The following ARL8B variants were observed in gnomAD, a reference collection of about 807,000 sequenced individuals.
ARL8B encodes ARF like GTPase 8B, also known as ADP-ribosylation factor-like protein 8B.
Under a neutral mutation model 30.6 loss-of-function variants are expected in ARL8B, and 9 were observed. That is an observed-to-expected ratio of 0.29 (90% CI 0.18 to 0.51). ARL8B has a LOEUF of 0.51. Ranked by LOEUF, ARL8B falls within the 20% of genes least tolerant of loss-of-function variation. The probability of loss-of-function intolerance (pLI) is 0.97; values close to 1 mark genes in which losing one functional copy is unlikely to be tolerated. For missense variants in ARL8B, 130 were observed against 227.2 expected, an observed-to-expected ratio of 0.57 and a Z score of 2.75; for synonymous variants, 74 against 76.0, an observed-to-expected ratio of 0.97 and a Z score of 0.14.
chr3:5,168,456 T>G (rs1168043779), intron 1 of ARL8B, among the ~76,000 whole-genome samples: 1 of 152,230 alleles, frequency 6.6e-6, no homozygotes, highest in Non-Finnish European at 1.5e-5. Context: ...AAGGACTTGA[T>G]TAGCTAATTT....
chr3:5,138,588 T>C (rs1047113210), intron 1 of ARL8B, among the ~76,000 whole-genome samples: 3 of 152,176 alleles, frequency 2.0e-5, no homozygotes, highest in African/African-American at 7.2e-5. Flanking sequence ...AATAAGGATG[T>C]GTTGTTGATG....
intron 1 of ARL8B, chr3:5,128,452 C>T: frequency 2.2e-6 from 1 of 453,960 alleles, no homozygotes; most frequent in South Asian, 1.6e-5. Context: ...ATTTGTTTTT[C>T]CTTGCAGACC....
chr3:5,142,077 A>C (rs1421060644), intron 1 of ARL8B, among the ~76,000 whole-genome samples: 1 of 152,130 alleles, frequency 6.6e-6, no homozygotes, highest in African/African-American at 2.4e-5. Context: ...GTTTTCAGGT[A>C]TCTTATGGAA....
At chr3:5,153,978 G>A (rs1048821119) in intron 1 of ARL8B, among the ~76,000 whole-genome samples, 1 of 151,622 alleles carries the variant, frequency 6.6e-6, no homozygotes, top group African/African-American at 2.4e-5. Flanking sequence ...GATTGTTTCT[G>A]ATGGGAAATT....
chr3:5,153,831 T>A (rs1417444452), intron 1 of ARL8B, among the ~76,000 whole-genome samples: 2 of 152,178 alleles, frequency 1.3e-5, no homozygotes, highest in African/African-American at 4.8e-5. Flanking sequence ...TGGCTACAGA[T>A]TTTAGTTTAG....
chr3:5,130,918 T>A (rs1331055931), intron 1 of ARL8B, among the ~76,000 whole-genome samples: 1 of 152,162 alleles, frequency 6.6e-6, no homozygotes, highest in Non-Finnish European at 1.5e-5. Context: ...CTGCCTTTTC[T>A]TCGCTCTTTT....
chr3:5,155,886 A>ATT (rs2054528905), intron 1 of ARL8B, among the ~76,000 whole-genome samples: 1 of 119,962 alleles, frequency 8.3e-6, no homozygotes, highest in East Asian at 2.2e-4. Context: ...CTTTAAGATA[A>ATT]TTTTTGTGTG....
At chr3:5,168,332 A>G (rs547698068) in intron 1 of ARL8B, among the ~76,000 whole-genome samples, 7 of 152,320 alleles carry the variant, frequency 4.6e-5, no homozygotes, top group Admixed American at 1.3e-4. Context: ...CAGCCTCCCA[A>G]AGTGCTGGAA....
chr3:5,178,669 A>G lies in ARL8B; in HGVS notation c.517A>G (p.Thr173Ala). ...SCKEKDNIDI[T>A]LQWLIQHSKS... ...CTTTTCCCCTCTATCTTTAGATATC[A>G]CACTTCAGTGGCTTATTCAGCATTC... The change falls in exon 7 of 7, where the codon ACA becomes GCA. Residue 173 changes from threonine to alanine, a missense_variant. Physicochemically the swap from Thr to Ala is moderately conservative, Grantham distance 58. Transcript: ENST00000256496. The G allele has an allele frequency of 6.2e-7, 1 of 1,609,226 alleles. No homozygotes were observed. Among genetic ancestry groups the G allele is most frequent in the Non-Finnish European group, 8.5e-7 (1 of 1,177,966 alleles).
At chr3:5,155,844 T>C (rs1395007625) in intron 1 of ARL8B, among the ~76,000 whole-genome samples, 1 of 106,512 alleles carries the variant, frequency 9.4e-6, no homozygotes, top group Admixed American at 8.1e-5. Flanking sequence ...TTTCTCAGTG[T>C]TTTTTTTTTG....
chr3:5,172,869 C>G (rs1321890425), intron 4 of ARL8B, 129 bp downstream of exon 4: 1 of 642,560 alleles, frequency 1.6e-6, no homozygotes, highest in African/African-American at 1.8e-5. Flanking sequence ...GGAAAACTTG[C>G]TTACCATGTA....
At chr3:5,132,984 T>G (rs2054295686) in intron 1 of ARL8B, among the ~76,000 whole-genome samples, 1 of 151,944 alleles carries the variant, frequency 6.6e-6, no homozygotes, top group South Asian at 2.1e-4. Context: ...GTTATAAGAG[T>G]AGAGGAATTT....
At position 5,172,136 on chromosome 3, in the gene ARL8B, G is replaced by A; in HGVS notation, c.205-14G>A. ...AAATATCTTTATTAAGAATTGCCTT[G>A]TTTTGATTTAAAGATCTGGGACATA... is the stretch of plus-strand genomic sequence containing the variant. On this transcript the variant is annotated splice_polypyrimidine_tract_variant and intron_variant, in intron 2 of 6. Coordinates refer to ENST00000256496, the MANE Select transcript of ARL8B (RefSeq NM_018184.3). 6.2e-7 allele frequency: 1 copy of A among 1,608,718 alleles called. No individual in the cohort carries two copies. The highest frequency in any genetic ancestry group is 8.5e-7 in the Non-Finnish European group (1 of 1,176,626).
intron 1 of ARL8B, among the ~76,000 whole-genome samples, chr3:5,131,995 G>A (rs1390907626): frequency 6.6e-6 from 1 of 152,162 alleles, no homozygotes; most frequent in Non-Finnish European, 1.5e-5. Context: ...GCAGTCCTCT[G>A]CCTCAGCTTC....
At chr3:5,127,307 C>T (rs1415622700) in intron 1 of ARL8B, among the ~76,000 whole-genome samples, 1 of 152,104 alleles carries the variant, frequency 6.6e-6, no homozygotes, top group Non-Finnish European at 1.5e-5. Context: ...GAGGTTAGAA[C>T]CATAGAACTG....
intron 6 of ARL8B, among the ~76,000 whole-genome samples, chr3:5,178,256 GAGTTCTGTGGGGTGGCC>G (rs2054747270): frequency 6.6e-6 from 1 of 151,462 alleles, no homozygotes; most frequent in African/African-American, 2.4e-5. Flanking sequence ...TTTTAACCTG[GAGTTCTGTGGGGTGGCC>G]CCCAAGCCCC....
chr3:5,135,348 T>C (rs2054315398), intron 1 of ARL8B, among the ~76,000 whole-genome samples: 1 of 128,214 alleles, frequency 7.8e-6, no homozygotes, highest in East Asian at 2.2e-4. Flanking sequence ...GAGTGCAGTC[T>C]TGGCTCACTG....
At chr3:5,128,401 A>G (rs1246410512) in intron 1 of ARL8B, 3 of 449,420 alleles carry the variant, frequency 6.7e-6, no homozygotes, top group Admixed American at 4.9e-5. Flanking sequence ...GAACATCTCT[A>G]CCTTCCATAA....
At chr3:5,145,276 AC>A (rs2054408507) in intron 1 of ARL8B, among the ~76,000 whole-genome samples, 1 of 152,162 alleles carries the variant, frequency 6.6e-6, no homozygotes, top group South Asian at 2.1e-4. Flanking sequence ...ATTTGTTGTT[AC>A]GACCAAATCT....
Sources: gnomAD v4.1 joint callset for allele counts (sites outside exome capture counted in the v4.1 genomes callset) on GRCh38, gnomAD v4.1.1 for gene constraint, MANE v1.5 for transcripts, NCBI Gene and HGNC (gene_info 2026-07-23, HGNC 2026-07-21) for gene names.